The following SAMD5 variants were observed in gnomAD, a reference collection of about 807,000 sequenced individuals.
The protein encoded by SAMD5 is sterile alpha motif domain-containing protein 5.
In SAMD5, 13 loss-of-function variants were observed where a neutral mutation model predicts 11.3. The observed-to-expected ratio is 1.15, with a 90% confidence interval of 0.75 to 1.83. The LOEUF is 1.83. Ranked by LOEUF, SAMD5 falls within the 40% of genes most tolerant of loss-of-function variation. SAMD5 has a pLI of 0.00. For synonymous variants in SAMD5, 129 were observed against 111.3 expected, an observed-to-expected ratio of 1.16 and a Z score of -1.00; for missense variants, 255 against 239.1, an observed-to-expected ratio of 1.07 and a Z score of -0.44.
At chr6:147,792,329 G>A in the SAMD5 span, among the ~76,000 whole-genome samples, 1 of 152,158 alleles carries the variant, frequency 6.6e-6, no homozygotes, top group Non-Finnish European at 1.5e-5. Flanking sequence ...CAAATGAATA[G>A]TGAGTGGTGG....
the SAMD5 span, among the ~76,000 whole-genome samples, chr6:147,796,688 C>T: frequency 6.6e-6 from 1 of 152,184 alleles, no homozygotes; most frequent in African/African-American, 2.4e-5. Flanking sequence ...ATTGATTCTT[C>T]CTACCCATGA....
intron 1 of SAMD5, among the ~76,000 whole-genome samples, chr6:147,523,798 C>T (rs1295022474): frequency 6.6e-6 from 1 of 152,178 alleles, no homozygotes; most frequent in Non-Finnish European, 1.5e-5. Flanking sequence ...TAATTACCTG[C>T]ACAGCTGGTC....
the SAMD5 span, among the ~76,000 whole-genome samples, chr6:147,777,434 T>G: frequency 6.6e-6 from 1 of 152,346 alleles, no homozygotes; most frequent in East Asian, 1.9e-4. Context: ...ACTATTTGCT[T>G]GGCCTCCACT....
the SAMD5 span, among the ~76,000 whole-genome samples, chr6:147,795,196 C>T: frequency 2.9e-5 from 4 of 138,038 alleles, no homozygotes; most frequent in African/African-American, 1.1e-4. Flanking sequence ...GGTATATCTC[C>T]CAATGCTATC....
At chr6:147,882,678 C>T in the SAMD5 span, among the ~76,000 whole-genome samples, 1 of 152,218 alleles carries the variant, frequency 6.6e-6, no homozygotes, top group Non-Finnish European at 1.5e-5. Flanking sequence ...GGCATTTGTT[C>T]AGCAAACCAG....
At chr6:147,614,576 G>A (rs1321001073) in intron 1 of SAMD5, among the ~76,000 whole-genome samples, 2 of 151,874 alleles carry the variant, frequency 1.3e-5, no homozygotes, top group Non-Finnish European at 2.9e-5. Flanking sequence ...AGACACAAAA[G>A]AGAAACTCAT....
At chr6:147,778,989 AT>A in the SAMD5 span, among the ~76,000 whole-genome samples, 86 of 147,998 alleles carry the variant, frequency 5.8e-4, no homozygotes, top group Admixed American at 2.8e-3. Flanking sequence ...GGGAAAATGG[AT>A]TTTTTTTTTT....
intron 1 of SAMD5, among the ~76,000 whole-genome samples, chr6:147,640,404 G>C (rs549729457): frequency 7.0e-6 from 1 of 143,168 alleles, no homozygotes; most frequent in East Asian, 2.2e-4. Context: ...GGCTGAGATA[G>C]GAGAATCACT....
At chr6:147,607,228 A>G (rs1219442843) in intron 1 of SAMD5, among the ~76,000 whole-genome samples, 2 of 152,166 alleles carry the variant, frequency 1.3e-5, no homozygotes, top group African/African-American at 4.8e-5. Context: ...TGGATTGGAA[A>G]AATCAATATT....
At chr6:147,668,756 A>C (rs1790755866) in intron 1 of SAMD5, among the ~76,000 whole-genome samples, 1 of 152,150 alleles carries the variant, frequency 6.6e-6, no homozygotes, top group African/African-American at 2.4e-5. Flanking sequence ...AGGCAGGAGA[A>C]TAGCTTGAAC....
chr6:147,770,100 T>A, the SAMD5 span, among the ~76,000 whole-genome samples: 1 of 152,210 alleles, frequency 6.6e-6, no homozygotes, highest in African/African-American at 2.4e-5. Flanking sequence ...AAAAAAGAAA[T>A]GCTTGGGTAT....
chr6:147,771,219 AT>A, the SAMD5 span, among the ~76,000 whole-genome samples: 1 of 152,242 alleles, frequency 6.6e-6, no homozygotes, highest in Non-Finnish European at 1.5e-5. Context: ...GTCTCTGAAC[AT>A]GTCAGCAGTA....
chr6:147,920,423 G>A, the SAMD5 span, among the ~76,000 whole-genome samples: 1 of 152,194 alleles, frequency 6.6e-6, no homozygotes, highest in East Asian at 1.9e-4. Flanking sequence ...TGCACTGTCA[G>A]CTTCCCTACT....
At chr6:147,523,793 A>G (rs537914196) in intron 1 of SAMD5, among the ~76,000 whole-genome samples, 1 of 152,332 alleles carries the variant, frequency 6.6e-6, no homozygotes, top group East Asian at 1.9e-4. Flanking sequence ...TCTGTTAATT[A>G]CCTGCACAGC....
At chr6:147,731,171 A>G (rs1297955461) in intron 1 of SAMD5, among the ~76,000 whole-genome samples, 1 of 152,164 alleles carries the variant, frequency 6.6e-6, no homozygotes, top group Non-Finnish European at 1.5e-5. Flanking sequence ...CTGACAAGCA[A>G]TGGAACCAGG....
chr6:147,693,554 A>G (rs940879367), intron 1 of SAMD5, among the ~76,000 whole-genome samples: 4 of 152,266 alleles, frequency 2.6e-5, no homozygotes, highest in African/African-American at 9.6e-5. Flanking sequence ...ATAACAGGGA[A>G]TAATGAAGAC....
chr6:147,913,181 A>G, the SAMD5 span, among the ~76,000 whole-genome samples: 1 of 152,214 alleles, frequency 6.6e-6, no homozygotes, highest in African/African-American at 2.4e-5. Flanking sequence ...ATTGTATTTT[A>G]AATGAATATC....
At chr6:147,741,655 A>G (rs1791881058), downstream of SAMD5, 1 of 152,150 alleles carries the variant, frequency 6.6e-6, no homozygotes. Context: ...AAGGGTAGGA[A>G]CAGTACGAGG....
chr6:147,675,014 C>T (rs1032640735), intron 1 of SAMD5, among the ~76,000 whole-genome samples: 77 of 152,302 alleles, frequency 5.1e-4, no homozygotes, highest in African/African-American at 1.9e-3. Context: ...ATGCTGATCA[C>T]CTATTTGGCT....
Sources: allele counts gnomAD v4.1 joint callset (sites outside exome capture counted in the v4.1 genomes callset), GRCh38; gene constraint gnomAD v4.1.1; transcripts MANE v1.5; gene names NCBI Gene and HGNC (gene_info 2026-07-23, HGNC 2026-07-21).